The following LYAR variants were observed in gnomAD, a reference collection of about 807,000 sequenced individuals.
LYAR encodes the protein cell growth-regulating nucleolar protein.
A neutral mutation model predicts 45.2 loss-of-function variants in LYAR; 37 were observed. The observed-to-expected ratio is 0.82, with a 90% CI of 0.63 to 1.08. LYAR has a LOEUF of 1.08. LYAR is among the 50% of genes least tolerant of loss of function. The probability of loss-of-function intolerance (pLI) is 0.00; values close to 1 mark genes in which losing one functional copy is unlikely to be tolerated. For synonymous variants in LYAR, 176 were observed against 155.1 expected (o/e 1.14, Z -1.00); for missense variants, 493 against 451.0 (o/e 1.09, Z -0.84).
intron 6 of LYAR, among the ~76,000 whole-genome samples, chr4:4,275,633 G>A (rs867168051): frequency 8.6e-5 from 13 of 152,010 alleles, no homozygotes; most frequent in South Asian, 2.1e-4. Flanking sequence ...CTGTAGAGAC[G>A]GGGTCACCAT....
intron 4 of LYAR, among the ~76,000 whole-genome samples, chr4:4,280,223 C>G (rs1269784405): frequency 1.3e-5 from 2 of 152,160 alleles, no homozygotes; most frequent in Admixed American, 1.3e-4. Flanking sequence ...AGGCAAAAGA[C>G]TTGTTTACTG....
rs1719318450 is a variant in LYAR at position 4,279,626 on chromosome 4, G to C, written c.345+16C>G. Reference sequence around the variant, plus strand: ...GGGCCACACGGCCCCCTCCATTCAAGAAAGTCAATTCATACCTGAAATTTT... The same window carrying C: ...GGGCCACACGGCCCCCTCCATTCAACAAAGTCAATTCATACCTGAAATTTT... On this transcript the variant is annotated intron_variant, in intron 5 of 9. Transcript: ENST00000343470. The C allele has an allele frequency of 2.5e-6, 4 of 1,606,714 alleles. No homozygotes were observed. Among genetic ancestry groups the C allele is most frequent in the Non-Finnish European group, 3.4e-6 (4 of 1,173,386 alleles).
intron 1 of LYAR, among the ~76,000 whole-genome samples, chr4:4,288,136 A>G (rs1413417178): frequency 6.6e-6 from 1 of 152,204 alleles, no homozygotes; most frequent in Non-Finnish European, 1.5e-5. Flanking sequence ...TATCTGTAAA[A>G]TGGATCTAAT....
intron 6 of LYAR, among the ~76,000 whole-genome samples, chr4:4,275,729 A>T (rs1376547183): frequency 6.6e-6 from 1 of 151,742 alleles, no homozygotes. Flanking sequence ...ACAGAGTCTC[A>T]CTGTCACCCA....
intron 6 of LYAR, among the ~76,000 whole-genome samples, chr4:4,277,290 G>A (rs1311241679): frequency 6.6e-6 from 1 of 151,868 alleles, no homozygotes; most frequent in Non-Finnish European, 1.5e-5. Flanking sequence ...CAACTGATCT[G>A]CCTGCCTCAG....
At chr4:4,268,075 A>G in intron 9 of LYAR, 52 bp from the exon 10 acceptor site, 3 of 1,470,070 alleles carry the variant, frequency 2.0e-6, no homozygotes, top group Non-Finnish European at 2.7e-6. Flanking sequence ...AAATTATCTT[A>G]AAATGTTCTG....
Position 4,279,060 on chromosome 4 carries a change from C to CA in LYAR, c.429+386dup, listed in dbSNP as rs80008048. 0.031 allele frequency among the ~76,000 whole-genome samples: 4,661 copies of CA among 152,192 alleles called. 399 individuals carry two copies. The East Asian group carries it at 0.32, about 10-fold the overall frequency. The stretch of plus-strand genomic sequence containing the variant: ...GAAGGCTGGGCCAGGTGCGGAGGCT[C>CA]ATGCCTGTAATTCCAGCACTTTGGG... On this transcript the variant is annotated intron_variant, in intron 6 of 9. Coordinates refer to ENST00000343470, the MANE Select transcript of LYAR (RefSeq NM_017816.3).
intron 5 of LYAR, 34 bp from the exon 6 acceptor site, chr4:4,279,564 C>T (rs1401241574): frequency 1.3e-6 from 2 of 1,564,756 alleles, no homozygotes; most frequent in Non-Finnish European, 1.8e-6. Context: ...AACTATTGAT[C>T]CCACTTGGAC....
chr4:4,279,590 C>G, intron 5 of LYAR, 52 bp downstream of exon 5: 1 of 1,563,780 alleles, frequency 6.4e-7, no homozygotes. Context: ...CACACAAGCT[C>G]AGTCACTGAT....
intron 6 of LYAR, among the ~76,000 whole-genome samples, chr4:4,275,061 G>C (rs929059212): frequency 6.6e-6 from 1 of 152,250 alleles, no homozygotes; most frequent in East Asian, 1.9e-4. Context: ...TTTCATTCCA[G>C]CTCACTATTC....
In LYAR at chr4:4,267,900, G is replaced by A; in HGVS notation, c.1129C>T (p.Leu377Phe). The change falls in exon 10 of 10, where the codon CTT (leucine) becomes TTT (phenylalanine). Residue 377 changes from leucine (L) to phenylalanine (F), a missense_variant. Leu to Phe is a conservative substitution (Grantham distance 22). Transcript: ENST00000343470. The stretch of plus-strand genomic sequence containing the variant: ...AAATACACAAATGTTCATTTCACAA[G>A]CTTGACTTTGTCCTTTAATAACTTA... Reference protein sequence around the residue: ...TFKLLKDKVKLVK With the variant: ...TFKLLKDKVKFVK 1 of 1,610,704 alleles carries A rather than the reference G, an allele frequency of 6.2e-7. No homozygotes were observed. The highest frequency in any genetic ancestry group is 8.5e-7 in the Non-Finnish European group (1 of 1,178,900).
At chr4:4,289,514 C>T (rs1337887312) in intron 1 of LYAR, 3 of 152,208 alleles carry the variant, frequency 2.0e-5, no homozygotes, top group African/African-American at 7.2e-5. Flanking sequence ...CATTTCTACT[C>T]ATGTAATCCT....
chr4:4,279,720 A>G lies in LYAR; in HGVS notation c.267T>C (p.Asn89=), dbSNP rs373786850. Residue 89 remains asparagine, a synonymous_variant, in exon 5 of 10, where the codon AAT becomes AAC. Coordinates refer to ENST00000343470, the MANE Select transcript of LYAR (RefSeq NM_017816.3). ...AAAGTTCTCTCACTTTGGGGCTGAC[A>G]TTGGGTCTCTTTATTAATTCACTAA... ...QKISELIKRP[N]VSPKVRELLE... 1.9e-6 allele frequency: 3 copies of G among 1,612,298 alleles called. No homozygotes were observed. The highest frequency in any genetic ancestry group is 2.5e-6 in the Non-Finnish European group (3 of 1,179,026).
At chr4:4,283,219 C>A (rs375075459) in intron 3 of LYAR, among the ~76,000 whole-genome samples, 1 of 152,230 alleles carries the variant, frequency 6.6e-6, no homozygotes, top group Admixed American at 6.5e-5. Flanking sequence ...GGTGAAATCT[C>A]GGCTCACCGC....
intron 8 of LYAR, among the ~76,000 whole-genome samples, chr4:4,269,465 G>T (rs1283937941): frequency 6.6e-6 from 1 of 152,168 alleles, no homozygotes; most frequent in African/African-American, 2.4e-5. Flanking sequence ...TGTCACAGAA[G>T]GCCAAGCAGG....
At chr4:4,286,614 G>A (rs1406187957) in intron 1 of LYAR, 42 bp from the exon 2 acceptor site, 1 of 149,322 alleles carries the variant, frequency 6.7e-6, no homozygotes, top group African/African-American at 2.5e-5. Context: ...AATTCCACAA[G>A]ACTAGATAAG....
intron 2 of LYAR, among the ~76,000 whole-genome samples, chr4:4,284,800 T>A (rs993484732): frequency 6.6e-6 from 1 of 152,234 alleles, no homozygotes; most frequent in African/African-American, 2.4e-5. Flanking sequence ...TACTGAGAAC[T>A]GTTTAACCCA....
At chr4:4,289,910 G>A (rs1273716988) in intron 1 of LYAR, 126 bp downstream of exon 1, 1 of 152,296 alleles carries the variant, frequency 6.6e-6, no homozygotes, top group African/African-American at 2.4e-5. Flanking sequence ...GCAGGAGTGA[G>A]ATCTGAATGG....
intron 1 of LYAR, among the ~76,000 whole-genome samples, chr4:4,287,484 C>T (rs530731055): frequency 3.9e-5 from 6 of 152,166 alleles, no homozygotes; most frequent in South Asian, 2.1e-4. Flanking sequence ...AAAAAGATGA[C>T]GGGGTCTGCA....
Sources: gnomAD v4.1 joint callset for allele counts (sites outside exome capture counted in the v4.1 genomes callset) on GRCh38, gnomAD v4.1.1 for gene constraint, MANE v1.5 for transcripts, NCBI Gene and HGNC (gene_info 2026-07-23, HGNC 2026-07-21) for gene names.